Variants in UNC13A observed in about 807,000 individuals in gnomAD.
UNC13A encodes unc-13 homolog A.
In UNC13A, 61 loss-of-function variants were observed where a neutral mutation model predicts 219.7. The observed-to-expected ratio is 0.28, with a 90% CI of 0.23 to 0.34. The LOEUF (loss-of-function observed/expected upper bound fraction) is 0.34. Ranked by LOEUF, UNC13A falls within the 10% of genes least tolerant of loss-of-function variation. UNC13A has a pLI of 1.00. For synonymous variants in UNC13A, 920 were observed against 884.6 expected, an observed-to-expected ratio of 1.04 and a Z score of -0.71; for missense variants, 1,476 against 2,270.3, an observed-to-expected ratio of 0.65 and a Z score of 7.11.
rs752810266 is a variant in UNC13A at position 17,655,872 on chromosome 19, C to T, written c.1283+11G>A. 16 of 1,511,652 alleles carry T rather than the reference C, an allele frequency of 1.1e-5. No homozygotes were observed. The highest frequency in any genetic ancestry group is 2.8e-5 in the African/African-American group (2 of 71,666). 93.6% of individuals were successfully genotyped at this position (1,511,652 alleles called of 1,614,324 possible). A position where few individuals can be genotyped will look rare whatever the true frequency, so the allele number is the denominator to read the frequency against. On this transcript the variant is annotated intron_variant, in intron 10 of 43. Transcript: ENST00000519716. ...GGCAGCCCCTCTGGCCCCTTGGCCC[C>T]GTCCTGTTACCTCTCCTCGTCCTTG...
chr19:17,604,861 T>C lies in UNC13A; in HGVS notation c.*1193A>G, dbSNP rs969533494. 48 of 152,338 alleles carry C rather than the reference T, an allele frequency of 3.2e-4. No homozygotes were observed. The highest frequency in any genetic ancestry group is 1.2e-3 in the African/African-American group (48 of 41,518). 9.4% of individuals were successfully genotyped at this position (152,338 alleles called of 1,614,324 possible). Reference sequence around the variant, plus strand: ...TCTCACTGTGTCACTGTGTTTGTGTTTCTCTCTCTCTCATTCTCTTTCTCT... The same window carrying C: ...TCTCACTGTGTCACTGTGTTTGTGTCTCTCTCTCTCTCATTCTCTTTCTCT... On this transcript the variant is annotated 3_prime_UTR_variant, in exon 44 of 44. Transcript: ENST00000519716.
intron 43 of UNC13A, among the ~76,000 whole-genome samples, chr19:17,609,581 C>T (rs570283847): frequency 6.6e-6 from 1 of 152,228 alleles, no homozygotes; most frequent in South Asian, 2.1e-4. Flanking sequence ...TCATCACTGC[C>T]ACCCTCATTC....
chr19:17,641,796 T>C (rs777970514), intron 20 of UNC13A, among the ~76,000 whole-genome samples: 57 of 148,898 alleles, frequency 3.8e-4, no homozygotes, highest in Non-Finnish European at 7.3e-4. Flanking sequence ...ATCCATCCCA[T>C]ACATTGATCC....
chr19:17,621,010 G>A (rs1441288286), intron 37 of UNC13A, among the ~76,000 whole-genome samples: 1 of 152,128 alleles, frequency 6.6e-6, no homozygotes, highest in Non-Finnish European at 1.5e-5. Context: ...ACCTGGGGAG[G>A]TGGGGAGATG....
chr19:17,627,626 G>T lies in UNC13A; in HGVS notation c.3832-29C>A. ...AGGAGGGAGAAGGGACACCAGGCCA[G>T]GTTCAGTAAGTATCCACATGTACTG... is the stretch of plus-strand genomic sequence containing the variant. On this transcript the variant is annotated intron_variant, in intron 32 of 43. Coordinates refer to ENST00000519716, the MANE Select transcript of UNC13A (RefSeq NM_001080421.3). The surrounding 1 kb of genome is among the most constrained non-coding windows in gnomAD (Gnocchi z 4.7). 1 of 1,528,446 alleles carries T rather than the reference G, an allele frequency of 6.5e-7. No individual in the cohort carries two copies. The highest frequency in any genetic ancestry group is 8.9e-7 in the Non-Finnish European group (1 of 1,123,842). 94.7% of individuals were successfully genotyped at this position (1,528,446 alleles called of 1,614,324 possible). A position where few individuals can be genotyped will look rare whatever the true frequency, so the allele number is the denominator to read the frequency against.
intron 20 of UNC13A, among the ~76,000 whole-genome samples, chr19:17,641,865 C>T: frequency 6.6e-6 from 1 of 151,932 alleles, no homozygotes; most frequent in African/African-American, 2.4e-5. Flanking sequence ...ATCCATCCAC[C>T]CATCAATTTA....
At chr19:17,684,427 G>A (rs921302617) in intron 1 of UNC13A, among the ~76,000 whole-genome samples, 1 of 152,162 alleles carries the variant, frequency 6.6e-6, no homozygotes, top group African/African-American at 2.4e-5. Context: ...CCAGAGCCAG[G>A]AACAGTGCCT....
chr19:17,678,639 C>A (rs2079946830), intron 1 of UNC13A, among the ~76,000 whole-genome samples: 1 of 151,992 alleles, frequency 6.6e-6, no homozygotes, highest in African/African-American at 2.4e-5. Context: ...AGGGAGCGCA[C>A]CCACCCAGCA....
At position 17,674,431 on chromosome 19, in the gene UNC13A, G is replaced by A. The variant is rs1489370336; in HGVS notation, c.152+226C>T. On this transcript the variant is annotated intron_variant, in intron 3 of 43. Transcript: ENST00000519716. This position sits in a 1 kb window ranked among gnomAD's most constrained non-coding sequence, Gnocchi z 5.0. ...GAGGTGGATGGCACAGGAGGCCAGG[G>A]CGGAGGCTGGCGGGCAGCAGGGACT... Among the ~76,000 whole-genome samples, 4 of 152,202 alleles carry A rather than the reference G, an allele frequency of 2.6e-5. No homozygotes were observed. The East Asian group carries it at 7.7e-4, about 29-fold the overall frequency.
intron 41 of UNC13A, chr19:17,616,521 G>C: frequency 1.5e-6 from 1 of 658,356 alleles, no homozygotes; most frequent in African/African-American, 1.8e-5. Flanking sequence ...GGAGCGGGGA[G>C]AGACGAGCCA....
At chr19:17,630,009 C>G (rs2076825385) in intron 30 of UNC13A, 136 bp downstream of exon 30, 1 of 1,051,010 alleles carries the variant, frequency 9.5e-7, no homozygotes, top group South Asian at 1.7e-5. Context: ...TCAACCCAAA[C>G]TCCAACTTCA....
intron 4 of UNC13A, among the ~76,000 whole-genome samples, chr19:17,671,814 C>T (rs982923384): frequency 1.3e-5 from 2 of 152,046 alleles, no homozygotes; most frequent in South Asian, 4.1e-4. Flanking sequence ...TCACTACTAC[C>T]TGCTGACAAT....
chr19:17,682,929 A>G (rs2080045438), intron 1 of UNC13A, among the ~76,000 whole-genome samples: 1 of 152,108 alleles, frequency 6.6e-6, no homozygotes, highest in African/African-American at 2.4e-5. Flanking sequence ...GCTGGGCATG[A>G]TGGTGTGCAT....
At chr19:17,678,802 C>T (rs574797999) in intron 1 of UNC13A, among the ~76,000 whole-genome samples, 6 of 151,624 alleles carry the variant, frequency 4.0e-5, no homozygotes, top group South Asian at 2.1e-4. Flanking sequence ...TAGAATGTGA[C>T]GGGATCGGGG....
chr19:17,654,278 A>T (rs1399063080), intron 11 of UNC13A, among the ~76,000 whole-genome samples: 1 of 152,140 alleles, frequency 6.6e-6, no homozygotes, highest in Admixed American at 6.5e-5. Context: ...TGTATATCAC[A>T]TAGTTCCAAT....
Position 17,630,139 on chromosome 19 carries a change from C to T in UNC13A, c.3669+6G>A. On this transcript the variant is annotated splice_donor_region_variant and intron_variant, in intron 30 of 43. Transcript: ENST00000519716. ...CCTAGCCCCAACCCTACCCACTCTC[C>T]CACACCTTGGCAAAGCGCCTCATGT... The T allele has an allele frequency of 6.4e-7, 1 of 1,551,844 alleles. No homozygotes were observed. The highest frequency in any genetic ancestry group is 8.7e-7 in the Non-Finnish European group (1 of 1,147,024).
Position 17,663,464 on chromosome 19 carries a change from C to A in UNC13A, c.559+68G>T, listed in dbSNP as rs989039930. 1.1e-5 allele frequency: 18 copies of A among 1,565,230 alleles called. No homozygotes were observed. In the African/African-American group the frequency reaches 2.2e-4, roughly 19 times the overall value. On this transcript the variant is annotated intron_variant, in intron 8 of 43. Transcript: ENST00000519716. ...TTCCCTGTGTGGTAGTGGGGAGGGG[C>A]CTTGGGATCACCAAGGTGCCCACCT...
Position 17,606,360 on chromosome 19 carries a change from TGG to T in UNC13A, c.4812-8_4812-7del. The T allele has an allele frequency of 6.5e-7, 1 of 1,542,114 alleles. No individual in the cohort carries two copies. Among genetic ancestry groups the T allele is most frequent in the South Asian group, 1.2e-5 (1 of 84,032 alleles). ...CCGCGTCGGCGCTCAGCGTGCTGCGTGGGGAGGGGCGGAACGTGAGACAGGCC... is the reference window on the plus strand; with the variant it reads ...CCGCGTCGGCGCTCAGCGTGCTGCGTGGAGGGGCGGAACGTGAGACAGGCC... On this transcript the variant is annotated splice_region_variant and splice_polypyrimidine_tract_variant and intron_variant, in intron 43 of 43. Transcript: ENST00000519716.
At position 17,647,307 on chromosome 19, in the gene UNC13A, G is replaced by C; in HGVS notation, c.2002C>G (p.Leu668Val). Residue 668 changes from leucine (L) to valine (V), a missense_variant, in exon 17 of 44, where the codon CTG becomes GTG. Physicochemically the swap from Leu to Val is conservative, Grantham distance 32. This residue lies in a region of UNC13A where 66 missense variants were observed against 224.3 expected (regional missense o/e 0.29). Transcript: ENST00000519716. ...GCGGACCACTTGGACGTGCCGTCCA[G>C]CACGCTCTGCTTGACCGCCTTCATC... is the stretch of plus-strand genomic sequence containing the variant. ...QQMKAVKQSV[L>V]DGTSKWSAKI... is the part of the protein sequence containing the mutation. The C allele has an allele frequency of 6.2e-7, 1 of 1,606,260 alleles. No individual in the cohort carries two copies. The highest frequency in any genetic ancestry group is 1.3e-5 in the African/African-American group (1 of 74,894).
Sources: gnomAD v4.1 joint callset for allele counts (sites outside exome capture counted in the v4.1 genomes callset) on GRCh38, gnomAD v4.1.1 for gene constraint, gnomAD v4.1.1 regional missense constraint, Gnocchi (gnomAD v3.1) non-coding constraint, MANE v1.5 for transcripts, NCBI Gene and HGNC (gene_info 2026-07-23, HGNC 2026-07-21) for gene names.